The following ASXL3 variants were observed in gnomAD, a reference collection of about 807,000 sequenced individuals.
ASXL3 encodes ASXL transcriptional regulator 3.
ASXL3 carries 34 observed loss-of-function variants against 170.6 expected under a neutral mutation model. The ratio of observed to expected loss-of-function variants is 0.20; its 90% CI spans 0.15 to 0.27. ASXL3 has a LOEUF of 0.27. Ranked by LOEUF, ASXL3 falls within the 10% of genes least tolerant of loss-of-function variation. ASXL3 has a pLI of 1.00. For synonymous variants in ASXL3, 1,002 were observed against 989.1 expected, an observed-to-expected ratio of 1.01 and a Z score of -0.24; for missense variants, 2,592 against 2,695.3, an observed-to-expected ratio of 0.96 and a Z score of 0.85.
chr18:33,635,444 C>T lies in ASXL3; in HGVS notation c.138-9450C>T, dbSNP rs1039538992. Among the ~76,000 whole-genome samples, 18 of 152,206 alleles carry T rather than the reference C, an allele frequency of 1.2e-4. 1 individual carries two copies. The highest frequency in any genetic ancestry group is 6.5e-5 in the Admixed American group (1 of 15,284). On this transcript the variant is annotated intron_variant, in intron 2 of 11. Transcript: ENST00000269197. ...TTCCTCTGGTTAGCTTTATCCCCTG[C>T]AGGCCCTGGCCTTGTGGAGGCAGAG...
At chr18:33,643,154 A>T (rs895026468) in intron 2 of ASXL3, among the ~76,000 whole-genome samples, 11 of 151,954 alleles carry the variant, frequency 7.2e-5, no homozygotes, top group Non-Finnish European at 1.5e-4. Context: ...AAAATCTGGC[A>T]TAATCATTCT....
At chr18:33,689,436 C>T (rs1454691045) in intron 8 of ASXL3, among the ~76,000 whole-genome samples, 3 of 152,222 alleles carry the variant, frequency 2.0e-5, no homozygotes, top group Admixed American at 1.3e-4. Flanking sequence ...AGTAATGTCA[C>T]GTTTAGCAAC....
chr18:33,743,971 G>C lies in ASXL3; in HGVS notation c.4123G>C (p.Ala1375Pro). ...CAACAGATTTCCTTCTGAGAAGATA[G>C]CCATACCTGGGAGTGAAGAACAGGC... is the stretch of plus-strand genomic sequence containing the variant. ...INNRFPSEKI[A>P]IPGSEEQATV... The change falls in exon 12 of 12, where the codon GCC (alanine) becomes CCC (proline). Residue 1375 changes from alanine (A) to proline (P), a missense_variant. Ala to Pro is a conservative substitution (Grantham distance 27). Coordinates refer to ENST00000269197, the MANE Select transcript of ASXL3 (RefSeq NM_030632.3). 6.2e-7 allele frequency: 1 copy of C among 1,614,018 alleles called. No homozygotes were observed.
intron 4 of ASXL3, among the ~76,000 whole-genome samples, chr18:33,649,347 T>A (rs2065962418): frequency 6.6e-6 from 1 of 152,046 alleles, no homozygotes; most frequent in Non-Finnish European, 1.5e-5. Context: ...AGGCCAGTAC[T>A]TGTGGAAGGG....
intron 8 of ASXL3, among the ~76,000 whole-genome samples, chr18:33,689,901 T>C (rs1347094005): frequency 2.6e-5 from 4 of 152,222 alleles, no homozygotes; most frequent in Admixed American, 6.5e-5. Flanking sequence ...CATCTATATG[T>C]ATGCCTTCAT....
chr18:33,746,307 T>A lies in ASXL3; in HGVS notation c.6459T>A (p.Asn2153Lys). The change falls in exon 12 of 12, where the codon AAT becomes AAA. Residue 2153 changes from asparagine to lysine, a missense_variant. Asn to Lys is a moderately conservative substitution (Grantham distance 94, BLOSUM62 0). Transcript: ENST00000269197. Reference sequence around the variant, plus strand: ...AGCAACAACAGCAGCTCTGTGGAAATTATCCAACAATACACTTTGGTAGCA... The same window carrying A: ...AGCAACAACAGCAGCTCTGTGGAAAATATCCAACAATACACTTTGGTAGCA... The part of the protein sequence containing the change: ...QVQQQQQLCG[N>K]YPTIHFGSTS... The A allele has an allele frequency of 6.2e-7, 1 of 1,614,000 alleles. No homozygotes were observed. The highest frequency in any genetic ancestry group is 1.3e-5 in the African/African-American group (1 of 75,052).
At chr18:33,661,793 T>A (rs887152667) in intron 5 of ASXL3, 56 bp downstream of exon 5, 29 of 1,541,136 alleles carry the variant, frequency 1.9e-5, no homozygotes, top group Non-Finnish European at 2.3e-5. Flanking sequence ...TAAGGTAATG[T>A]GTGTTTTGCT....
At chr18:33,676,441 G>A (rs1032900722) in intron 7 of ASXL3, among the ~76,000 whole-genome samples, 5 of 151,894 alleles carry the variant, frequency 3.3e-5, no homozygotes, top group African/African-American at 1.2e-4. Flanking sequence ...TTGGTCACGG[G>A]GTGAGTGCAG....
At chr18:33,668,766 T>C (rs1047376147) in intron 5 of ASXL3, among the ~76,000 whole-genome samples, 4 of 152,094 alleles carry the variant, frequency 2.6e-5, no homozygotes, top group Non-Finnish European at 4.4e-5. Context: ...GAGGTCAAAA[T>C]TTTCGTTGCT....
chr18:33,725,374 C>A (rs189465381), intron 8 of ASXL3, among the ~76,000 whole-genome samples: 1 of 152,258 alleles, frequency 6.6e-6, no homozygotes, highest in East Asian at 1.9e-4. Flanking sequence ...TCTGCAAACA[C>A]ATTCTTCCCT....
At chr18:33,626,521 C>CT (rs1342906409) in intron 2 of ASXL3, 2,838 of 142,880 alleles carry the variant, frequency 0.02, 40 homozygotes, top group Non-Finnish European at 0.022. Flanking sequence ...TGGGTCAAGG[C>CT]TTTTTTTTTT....
At chr18:33,702,964 A>G (rs1171638374) in intron 8 of ASXL3, among the ~76,000 whole-genome samples, 2 of 152,132 alleles carry the variant, frequency 1.3e-5, no homozygotes, top group East Asian at 3.9e-4. Flanking sequence ...GTTTTCAACA[A>G]TGCGGTGGGC....
At chr18:33,621,193 G>A (rs758325711) in intron 2 of ASXL3, among the ~76,000 whole-genome samples, 2 of 152,132 alleles carry the variant, frequency 1.3e-5, no homozygotes, top group Non-Finnish European at 2.9e-5. Flanking sequence ...CTAAGGCTTA[G>A]GAAAAGTGAG....
chr18:33,644,864 G>A (rs1480476197), intron 2 of ASXL3, 30 bp from the exon 3 acceptor site: 3 of 1,432,630 alleles, frequency 2.1e-6, no homozygotes, highest in Admixed American at 2.0e-5. Context: ...ACCTCAGACT[G>A]CTTCATTTTT....
chr18:33,711,639 A>G (rs2067065185), intron 8 of ASXL3, among the ~76,000 whole-genome samples: 1 of 152,122 alleles, frequency 6.6e-6, no homozygotes, highest in African/African-American at 2.4e-5. Flanking sequence ...CCCCTTTATC[A>G]TTTGAATAAA....
chr18:33,609,082 C>T (rs893724696), intron 2 of ASXL3: 1 of 982,794 alleles, frequency 1.0e-6, no homozygotes, highest in Non-Finnish European at 1.2e-6. Flanking sequence ...AGATTAGTTG[C>T]TAACAGTACC....
At chr18:33,623,462 T>C (rs1404921806) in intron 2 of ASXL3, among the ~76,000 whole-genome samples, 2 of 152,166 alleles carry the variant, frequency 1.3e-5, no homozygotes, top group Non-Finnish European at 2.9e-5. Context: ...TTCTTGTCTT[T>C]CCAGTAAAAC....
chr18:33,600,911 T>C (rs951411556), intron 1 of ASXL3, among the ~76,000 whole-genome samples: 1 of 152,158 alleles, frequency 6.6e-6, no homozygotes, highest in African/African-American at 2.4e-5. Flanking sequence ...TTTCAGTATA[T>C]GTTGTTGGAA....
At chr18:33,651,095 G>C (rs1257241319) in intron 4 of ASXL3, among the ~76,000 whole-genome samples, 1 of 152,108 alleles carries the variant, frequency 6.6e-6, no homozygotes, top group African/African-American at 2.4e-5. Flanking sequence ...GGAACACTTA[G>C]TAGCCAGTCA....
Sources: allele counts gnomAD v4.1 joint callset (sites outside exome capture counted in the v4.1 genomes callset), GRCh38; gene constraint gnomAD v4.1.1; transcripts MANE v1.5; gene names NCBI Gene and HGNC (gene_info 2026-07-23, HGNC 2026-07-21).